PARP15: variants seen among roughly 807,000 people sequenced by gnomAD.
The protein encoded by PARP15 is protein mono-ADP-ribosyltransferase PARP15.
In PARP15, 50 loss-of-function variants were observed where a neutral mutation model predicts 62.1. The observed-to-expected ratio is 0.81, with a 90% CI of 0.64 to 1.02. The LOEUF is 1.02. Among genes scored for constraint, PARP15 ranks in the 50% least tolerant of loss-of-function variants. PARP15 has a pLI of 0.00. For synonymous variants in PARP15, 309 were observed against 293.1 expected (o/e 1.05, Z -0.55); for missense variants, 820 against 826.5 (o/e 0.99, Z 0.10).
At position 122,626,877 on chromosome 3, in the gene PARP15, A is replaced by G; in HGVS notation, c.1282A>G (p.Ile428Val). ...AGTTGCTGATAACATAATCGATGCT[A>G]TTGTAGACTTCTCATCACAACATTC... ...ITVADNIIDAIVDFSSQHSTP... is the reference protein window; with the variant it reads ...ITVADNIIDAVVDFSSQHSTP... Residue 428 changes from isoleucine (I) to valine (V), a missense_variant, in exon 9 of 12, where the codon ATT becomes GTT. Around this residue, in one of 3 missense-constraint regions of PARP15, gnomAD observed 731 missense variants for 727.7 expected, o/e 1.00. Coordinates refer to ENST00000464300, the MANE Select transcript of PARP15 (RefSeq NM_001113523.3). The G allele has an allele frequency of 1.2e-6, 2 of 1,614,058 alleles. No individual in the cohort carries two copies. The highest frequency in any genetic ancestry group is 1.1e-5 in the South Asian group (1 of 91,050).
At chr3:122,622,565 G>A (rs1486276805) in intron 8 of PARP15, among the ~76,000 whole-genome samples, 3 of 152,220 alleles carry the variant, frequency 2.0e-5, no homozygotes, top group South Asian at 2.1e-4. Context: ...TCTCCCAGCC[G>A]GCTCCTCATT....
chr3:122,581,242 G>A (rs1386047537), intron 1 of PARP15, among the ~76,000 whole-genome samples: 3 of 152,112 alleles, frequency 2.0e-5, no homozygotes, highest in Admixed American at 6.5e-5. Flanking sequence ...GGGATTGCTG[G>A]ATCATATGGT....
chr3:122,613,698 A>G (rs1171575831), intron 4 of PARP15, among the ~76,000 whole-genome samples: 1 of 152,196 alleles, frequency 6.6e-6, no homozygotes, highest in African/African-American at 2.4e-5. Flanking sequence ...GCAGTGGAGA[A>G]GCAGTCAAGG....
intron 1 of PARP15, 125 bp downstream of exon 1, chr3:122,577,978 G>A (rs1199924584): frequency 9.1e-6 from 9 of 984,626 alleles, no homozygotes; most frequent in Admixed American, 3.5e-5. Context: ...TCTAGGGGGC[G>A]CCGACTACAC....
At chr3:122,579,042 T>A (rs997789925) in intron 1 of PARP15, among the ~76,000 whole-genome samples, 1 of 152,214 alleles carries the variant, frequency 6.6e-6, no homozygotes, top group Admixed American at 6.5e-5. Flanking sequence ...CTTTTTAAAC[T>A]TTTTTGTGTG....
At chr3:122,622,215 A>G (rs1318350096) in intron 8 of PARP15, among the ~76,000 whole-genome samples, 1 of 152,182 alleles carries the variant, frequency 6.6e-6, no homozygotes, top group East Asian at 1.9e-4. Context: ...ATGTCTGGTA[A>G]CATTTCTGCA....
intron 1 of PARP15, among the ~76,000 whole-genome samples, chr3:122,597,356 T>C: frequency 6.6e-6 from 1 of 152,138 alleles, no homozygotes; most frequent in Non-Finnish European, 1.5e-5. Context: ...GGTTTTTTTT[T>C]TCTTTTTTAA....
chr3:122,603,149 A>G (rs1045646618), intron 1 of PARP15, among the ~76,000 whole-genome samples: 1 of 152,150 alleles, frequency 6.6e-6, no homozygotes, highest in African/African-American at 2.4e-5. Flanking sequence ...TATCAAGGGG[A>G]AAAGTCCCTG....
chr3:122,592,691 A>T (rs183861177), intron 1 of PARP15, among the ~76,000 whole-genome samples: 1 of 152,152 alleles, frequency 6.6e-6, no homozygotes, highest in Non-Finnish European at 1.5e-5. Flanking sequence ...CACTGTTCTA[A>T]CCATTAAACT....
At chr3:122,613,961 T>C (rs1239023016) in intron 4 of PARP15, among the ~76,000 whole-genome samples, 1 of 152,002 alleles carries the variant, frequency 6.6e-6, no homozygotes, top group Non-Finnish European at 1.5e-5. Context: ...TCCTCCCATC[T>C]TAGCCTCCCT....
intron 2 of PARP15, among the ~76,000 whole-genome samples, chr3:122,608,194 C>CT (rs1158188779): frequency 7.1e-6 from 1 of 140,384 alleles, no homozygotes; most frequent in Non-Finnish European, 1.6e-5. Flanking sequence ...CCCATGCTTT[C>CT]TTTTTTTCTT....
chr3:122,597,581 A>G (rs1486949465), intron 1 of PARP15, among the ~76,000 whole-genome samples: 2 of 152,054 alleles, frequency 1.3e-5, no homozygotes, highest in East Asian at 1.9e-4. Context: ...TTTTTCCACA[A>G]TACATCCTAA....
intron 1 of PARP15, among the ~76,000 whole-genome samples, chr3:122,586,020 T>C (rs1466358581): frequency 6.6e-6 from 1 of 152,236 alleles, no homozygotes; most frequent in Non-Finnish European, 1.5e-5. Context: ...TAAATAAATA[T>C]AGAACTTTTA....
intron 4 of PARP15, chr3:122,614,932 A>G (rs1273954531): frequency 3.0e-6 from 1 of 328,028 alleles, no homozygotes; most frequent in African/African-American, 2.3e-5. Context: ...TGGGAGGCTG[A>G]GGTGGGAGGA....
At chr3:122,581,214 G>T (rs79793700) in intron 1 of PARP15, among the ~76,000 whole-genome samples, 2,103 of 152,150 alleles carry the variant, frequency 0.014, 48 homozygotes, top group African/African-American at 0.047. Flanking sequence ...CAATTCTTTT[G>T]TATTTATATC....
intron 10 of PARP15, among the ~76,000 whole-genome samples, chr3:122,634,379 T>C (rs959893811): frequency 1.3e-5 from 2 of 152,150 alleles, no homozygotes; most frequent in African/African-American, 4.8e-5. Context: ...CATAGAGATG[T>C]TCAGTAGGTG....
chr3:122,594,113 A>T (rs1278235471), intron 1 of PARP15, among the ~76,000 whole-genome samples: 2 of 152,226 alleles, frequency 1.3e-5, no homozygotes, highest in Non-Finnish European at 2.9e-5. Flanking sequence ...CATGTTAGAC[A>T]TCCTGACTTC....
At chr3:122,596,498 C>G (rs1392291638) in intron 1 of PARP15, among the ~76,000 whole-genome samples, 1 of 152,014 alleles carries the variant, frequency 6.6e-6, no homozygotes, top group Admixed American at 6.6e-5. Context: ...CTCCTAGTTG[C>G]TCAGACCAAA....
intron 1 of PARP15, among the ~76,000 whole-genome samples, chr3:122,579,595 G>A (rs1363469001): frequency 6.6e-6 from 1 of 152,084 alleles, no homozygotes; most frequent in East Asian, 1.9e-4. Context: ...TGGAGCCTTA[G>A]GTATCACTAA....
Sources: allele counts gnomAD v4.1 joint callset (sites outside exome capture counted in the v4.1 genomes callset), GRCh38; gene constraint gnomAD v4.1.1; regional missense constraint gnomAD v4.1.1; transcripts MANE v1.5; gene names NCBI Gene and HGNC (gene_info 2026-07-23, HGNC 2026-07-21).